The following TNFRSF1B variants were observed in gnomAD, a reference collection of about 807,000 sequenced individuals.
TNFRSF1B encodes the protein tumor necrosis factor receptor superfamily member 1B.
Under a neutral mutation model 44.6 loss-of-function variants are expected in TNFRSF1B, and 19 were observed. That is an observed-to-expected ratio of 0.43 (90% CI 0.30 to 0.62). The LOEUF is 0.62. TNFRSF1B is among the 20% of genes least tolerant of loss of function. The pLI, the probability that TNFRSF1B is intolerant of heterozygous loss-of-function variation, is 0.16. For missense variants in TNFRSF1B, 541 were observed against 619.9 expected (o/e 0.87, Z 1.35); for synonymous variants, 252 against 261.1 (o/e 0.97, Z 0.34).
chr1:12,202,879 T>C (rs1460115633), intron 9 of TNFRSF1B, among the ~76,000 whole-genome samples: 1 of 152,218 alleles, frequency 6.6e-6, no homozygotes, highest in Non-Finnish European at 1.5e-5. Flanking sequence ...GCCCTGGGAT[T>C]GGAAGATGAA....
chr1:12,194,668 GC>G, intron 8 of TNFRSF1B, 50 bp downstream of exon 8: 1 of 1,605,984 alleles, frequency 6.2e-7, no homozygotes, highest in Non-Finnish European at 8.5e-7. Context: ...CTCCTTCCCG[GC>G]GTGCTGGGCT....
At chr1:12,200,282 G>A (rs979415666) in intron 8 of TNFRSF1B, among the ~76,000 whole-genome samples, 1 of 152,014 alleles carries the variant, frequency 6.6e-6, no homozygotes, top group Non-Finnish European at 1.5e-5. Context: ...ATTATTCTAC[G>A]GGAAGAAGAC....
intron 9 of TNFRSF1B, among the ~76,000 whole-genome samples, chr1:12,205,696 A>G (rs1302909256): frequency 1.3e-5 from 2 of 152,140 alleles, no homozygotes; most frequent in Non-Finnish European, 2.9e-5. Context: ...ATTTCGGCTC[A>G]CTGCAACCTC....
rs543515279 is a variant in TNFRSF1B at position 12,167,107 on chromosome 1, G to A, written c.16G>A (p.Val6Ile). Residue 6 changes from valine (V) to isoleucine (I), a missense_variant, in exon 1 of 10, where the codon GTC becomes ATC. Val to Ile is a conservative substitution (Grantham distance 29, BLOSUM62 3). Transcript: ENST00000376259. ...GCCCGCACCCATGGCGCCCGTCGCC[G>A]TCTGGGCCGCGCTGGCCGTCGGACT... MAPVA[V>I]WAALAVGLEL... 1.3e-4 allele frequency: 173 copies of A among 1,341,858 alleles called. 2 individuals are homozygous for A. In the African/African-American group the frequency reaches 2.2e-3, roughly 17 times the overall value. The allele number at this position is 1,341,858 out of a possible 1,614,324, so 83.1% of individuals were successfully genotyped here. A position where few individuals can be genotyped will look rare whatever the true frequency, so the allele number is the denominator to read the frequency against.
At position 12,202,115 on chromosome 1, in the gene TNFRSF1B, C is replaced by T. The variant is rs1449197098; in HGVS notation, c.1049C>T (p.Ala350Val). 5.7e-6 allele frequency: 9 copies of T among 1,570,034 alleles called. No homozygotes were observed. The highest frequency in any genetic ancestry group is 4.7e-5 in the East Asian group (2 of 42,542). Residue 350 changes from alanine (A) to valine (V), a missense_variant, in exon 9 of 10, where the codon GCA becomes GTA. By Grantham distance (64) the Ala-to-Val change is moderately conservative. Coordinates refer to ENST00000376259, the MANE Select transcript of TNFRSF1B (RefSeq NM_001066.3). ...GCGCCCACTCGGAACCAGCCACAGG[C>T]ACCAGGCGTGGAGGCCAGTGGGGCC... is the stretch of plus-strand genomic sequence containing the variant. ...RRAPTRNQPQ[A>V]PGVEASGAGE...
rs975199515 is a variant in TNFRSF1B, at chr1:12,178,918, G to A, written c.79-9878G>A. 1.2e-4 allele frequency among the ~76,000 whole-genome samples: 18 copies of A among 152,170 alleles called. No individual in the cohort carries two copies. Among genetic ancestry groups the A allele is most frequent in the East Asian group, 3.8e-4 (2 of 5,196 alleles). The stretch of plus-strand genomic sequence containing the variant: ...TTAGGTCCATCTGAAAGGGACAGAA[G>A]GCTGGGAACCAAGACCAAGGAGCCT... On this transcript the variant is annotated intron_variant, in intron 1 of 9. Transcript: ENST00000376259. This position sits in a 1 kb window ranked among gnomAD's most constrained non-coding sequence, Gnocchi z 4.3.
At chr1:12,200,597 A>G (rs1639367830) in intron 8 of TNFRSF1B, among the ~76,000 whole-genome samples, 1 of 151,908 alleles carries the variant, frequency 6.6e-6, no homozygotes, top group South Asian at 2.1e-4. Context: ...CCCAAACTTG[A>G]GCTTCCCACC....
At chr1:12,192,581 CTG>C (rs1361226703) in intron 5 of TNFRSF1B, 57 bp downstream of exon 5, 2 of 1,532,280 alleles carry the variant, frequency 1.3e-6, no homozygotes, top group Non-Finnish European at 1.8e-6. Context: ...CCCTGGGTGA[CTG>C]TGGGTCCAGG....
intron 9 of TNFRSF1B, among the ~76,000 whole-genome samples, chr1:12,206,135 C>T (rs58355451): frequency 6.6e-6 from 1 of 152,088 alleles, no homozygotes; most frequent in Non-Finnish European, 1.5e-5. Flanking sequence ...CACCTGTAAT[C>T]TCAGCGCTTT....
chr1:12,170,249 G>T (rs1249253306), intron 1 of TNFRSF1B, among the ~76,000 whole-genome samples: 1 of 152,130 alleles, frequency 6.6e-6, no homozygotes. Context: ...CCTGGCTCTG[G>T]GGACCTCAAG....
intron 1 of TNFRSF1B, among the ~76,000 whole-genome samples, chr1:12,172,278 G>A (rs566530981): frequency 4.6e-5 from 7 of 152,216 alleles, no homozygotes; most frequent in Non-Finnish European, 7.3e-5. Flanking sequence ...GAAAGGCCCC[G>A]GCCTCTGAAT....
chr1:12,191,025 T>C lies in TNFRSF1B; in HGVS notation c.247T>C (p.Tyr83His). Residue 83 changes from tyrosine (Y) to histidine (H), a missense_variant, in exon 3 of 10, where the codon TAC (tyrosine) becomes CAC (histidine). By Grantham distance (83) the Tyr-to-His change is moderately conservative (BLOSUM62 2). Coordinates refer to ENST00000376259, the MANE Select transcript of TNFRSF1B (RefSeq NM_001066.3). ...GTGTGACTCCTGTGAGGACAGCACA[T>C]ACACCCAGCTCTGGAACTGGGTTCC... ...TVCDSCEDST[Y>H]TQLWNWVPEC... 5 of 1,614,196 alleles carry C rather than the reference T, an allele frequency of 3.1e-6. No homozygotes were observed. The highest frequency in any genetic ancestry group is 4.2e-6 in the Non-Finnish European group (5 of 1,180,010).
At position 12,200,809 on chromosome 1, in the gene TNFRSF1B, C is replaced by T. The variant is rs540489197; in HGVS notation, c.901-1158C>T. ...GCTAATTTTGTATTTTTAGTAGAGA[C>T]GGGGTTTTGCCATGTTGGTCAGGCT... On this transcript the variant is annotated intron_variant, in intron 8 of 9. Transcript: ENST00000376259. Among the ~76,000 whole-genome samples the T allele has an allele frequency of 1.1e-4, 17 of 152,044 alleles. No homozygotes were observed. The East Asian group carries it at 2.5e-3, about 23-fold the overall frequency.
rs746599817 is a variant in TNFRSF1B at position 12,193,106 on chromosome 1, G to A, written c.787+8G>A. 15 of 1,603,316 alleles carry A rather than the reference G, an allele frequency of 9.4e-6. No individual in the cohort carries two copies. The highest frequency in any genetic ancestry group is 2.7e-5 in the African/African-American group (2 of 74,670). Reference sequence around the variant, plus strand: ...ACTTCGCTCTTCCAGTTGGTAAGTCGCAAGAAGTCTCATTCATTCACTCCT... The same window carrying A: ...ACTTCGCTCTTCCAGTTGGTAAGTCACAAGAAGTCTCATTCATTCACTCCT... On this transcript the variant is annotated splice_region_variant and intron_variant, in intron 6 of 9. Coordinates refer to ENST00000376259, the MANE Select transcript of TNFRSF1B (RefSeq NM_001066.3).
intron 1 of TNFRSF1B, among the ~76,000 whole-genome samples, chr1:12,179,743 C>T (rs1638748731): frequency 6.6e-6 from 1 of 152,168 alleles, no homozygotes; most frequent in African/African-American, 2.4e-5. Context: ...CTGCCATCAG[C>T]TCCTGGAGTG....
At chr1:12,194,250 G>T (rs1639216141) in intron 7 of TNFRSF1B, among the ~76,000 whole-genome samples, 1 of 152,162 alleles carries the variant, frequency 6.6e-6, no homozygotes, top group Non-Finnish European at 1.5e-5. Context: ...GGTAGGAGGA[G>T]TTCAGGATTC....
chr1:12,182,320 G>A (rs926751510), intron 1 of TNFRSF1B, among the ~76,000 whole-genome samples: 22 of 152,012 alleles, frequency 1.4e-4, no homozygotes, highest in Non-Finnish European at 2.6e-4. Flanking sequence ...TCACCCACCC[G>A]CTCTGGGCCC....
chr1:12,168,803 C>A lies in TNFRSF1B; in HGVS notation c.78+1634C>A, dbSNP rs1027151569. 6.6e-6 allele frequency among the ~76,000 whole-genome samples: 1 copy of A among 152,176 alleles called. No homozygotes were observed. Among genetic ancestry groups the A allele is most frequent in the Non-Finnish European group, 1.5e-5 (1 of 68,028 alleles). On this transcript the variant is annotated intron_variant, in intron 1 of 9. Transcript: ENST00000376259. This position sits in a 1 kb window ranked among gnomAD's most constrained non-coding sequence, Gnocchi z 4.7. The stretch of plus-strand genomic sequence containing the variant: ...CCTTGTAGCTGGTCTCCCGGCCCTG[C>A]CCCCTCTCCCGCTGATCCTTGGCAG...
intron 8 of TNFRSF1B, among the ~76,000 whole-genome samples, chr1:12,201,021 G>A (rs1639379563): frequency 6.6e-6 from 1 of 152,088 alleles, no homozygotes; most frequent in South Asian, 2.1e-4. Context: ...GGGAGGCCAG[G>A]GTAGGAGGAT....
Sources: gnomAD v4.1 joint callset for allele counts (sites outside exome capture counted in the v4.1 genomes callset) on GRCh38, gnomAD v4.1.1 for gene constraint, Gnocchi (gnomAD v3.1) non-coding constraint, MANE v1.5 for transcripts, NCBI Gene and HGNC (gene_info 2026-07-23, HGNC 2026-07-21) for gene names.